SLC8A1: variants seen among roughly 807,000 people sequenced by gnomAD.
SLC8A1 encodes solute carrier family 8 member A1.
A neutral mutation model predicts 68.3 loss-of-function variants in SLC8A1; 18 were observed. The ratio of observed to expected loss-of-function variants is 0.26; its 90% CI spans 0.18 to 0.39. The LOEUF is 0.39. Ranked by LOEUF, SLC8A1 falls within the 10% of genes least tolerant of loss-of-function variation. SLC8A1 has a pLI of 1.00. For missense variants in SLC8A1, 985 were observed against 1,156.7 expected (o/e 0.85, Z 2.15); for synonymous variants, 475 against 415.5 (o/e 1.14, Z -1.74).
chr2:40,452,534 C>A (rs1702688387), upstream of SLC8A1, among the ~76,000 whole-genome samples: 1 of 152,180 alleles, frequency 6.6e-6, no homozygotes, highest in African/African-American at 2.4e-5. Context: ...GCAGACAGAA[C>A]CCTGACCCCC....
At chr2:40,403,212 C>T (rs946668550) in intron 2 of SLC8A1, among the ~76,000 whole-genome samples, 12 of 152,252 alleles carry the variant, frequency 7.9e-5, no homozygotes, top group African/African-American at 2.2e-4. Flanking sequence ...TTATTCAGTA[C>T]AGCATGTCAA....
At chr2:40,277,792 GTGTATATATATATATATATATA>G (rs1458735777) in intron 2 of SLC8A1, among the ~76,000 whole-genome samples, 2 of 92,180 alleles carry the variant, frequency 2.2e-5, no homozygotes, top group Non-Finnish European at 4.2e-5. Flanking sequence ...ATATATATGT[GTGTATATATATATATATATATA>G]TATATATATA....
intron 2 of SLC8A1, among the ~76,000 whole-genome samples, chr2:40,368,882 C>T (rs548694574): frequency 6.6e-6 from 1 of 151,980 alleles, no homozygotes; most frequent in Admixed American, 6.6e-5. Context: ...AGAAATAAGA[C>T]CACACACCCA....
At chr2:40,398,930 CTCTA>C (rs1168205416) in intron 2 of SLC8A1, among the ~76,000 whole-genome samples, 1 of 152,162 alleles carries the variant, frequency 6.6e-6, no homozygotes, top group African/African-American at 2.4e-5. Context: ...AAGAAACAGA[CTCTA>C]TCTCTCTATT....
chr2:40,236,361 T>C (rs539458237), intron 2 of SLC8A1, among the ~76,000 whole-genome samples: 14 of 152,328 alleles, frequency 9.2e-5, no homozygotes, highest in African/African-American at 1.4e-4. Flanking sequence ...GTAATGGCCT[T>C]CTTTGTCTCT....
chr2:40,251,734 G>A (rs1207635730), intron 2 of SLC8A1: 1 of 152,178 alleles, frequency 6.6e-6, no homozygotes, highest in African/African-American at 2.4e-5. Flanking sequence ...CTGAATCTCA[G>A]CCTGATGGAG....
chr2:40,290,570 C>G (rs2069129464), intron 2 of SLC8A1, among the ~76,000 whole-genome samples: 1 of 151,984 alleles, frequency 6.6e-6, no homozygotes, highest in Non-Finnish European at 1.5e-5. Flanking sequence ...ATCCATAAGT[C>G]CATGTTAAAT....
intron 2 of SLC8A1, among the ~76,000 whole-genome samples, chr2:40,317,199 T>G (rs1221453348): frequency 6.6e-6 from 1 of 152,078 alleles, no homozygotes; most frequent in Non-Finnish European, 1.5e-5. Context: ...GCAGAGATAC[T>G]GTTTTCTCAA....
At chr2:40,442,100 A>G (rs1700598300) in intron 1 of SLC8A1, among the ~76,000 whole-genome samples, 1 of 150,098 alleles carries the variant, frequency 6.7e-6, no homozygotes, top group Admixed American at 6.6e-5. Context: ...CCTAATGCTA[A>G]ATGACGAGTT....
chr2:40,252,913 G>GTA (rs1174177726), intron 2 of SLC8A1, among the ~76,000 whole-genome samples: 1 of 130,394 alleles, frequency 7.7e-6, no homozygotes, highest in Non-Finnish European at 1.6e-5. Context: ...ATGTATATGT[G>GTA]TATATATACA....
chr2:40,178,173 GA>G (rs1482621593), intron 2 of SLC8A1, among the ~76,000 whole-genome samples: 2 of 152,214 alleles, frequency 1.3e-5, no homozygotes, highest in African/African-American at 4.8e-5. Flanking sequence ...TGACTGCCCT[GA>G]AAATTAATCT....
intron 2 of SLC8A1, among the ~76,000 whole-genome samples, chr2:40,277,477 T>C (rs974006632): frequency 2.6e-4 from 40 of 151,836 alleles, no homozygotes; most frequent in Non-Finnish European, 1.5e-5. Context: ...GAGGCAGAGG[T>C]TGCAGTGAGC....
intron 1 of SLC8A1, among the ~76,000 whole-genome samples, chr2:40,478,759 C>T (rs1393596098): frequency 6.6e-6 from 1 of 151,640 alleles, no homozygotes; most frequent in Admixed American, 6.6e-5. Context: ...TCATTTTCAA[C>T]CACCTAATTT....
intron 1 of SLC8A1, among the ~76,000 whole-genome samples, chr2:40,447,090 A>G (rs1701581376): frequency 6.6e-6 from 1 of 152,226 alleles, no homozygotes; most frequent in Non-Finnish European, 1.5e-5. Context: ...TCTTTTTAAA[A>G]AAATTAAGAT....
chr2:40,148,625 C>G (rs985033335), intron 6 of SLC8A1, among the ~76,000 whole-genome samples: 1 of 152,200 alleles, frequency 6.6e-6, no homozygotes, highest in Admixed American at 6.5e-5. Flanking sequence ...ACACGGCCCT[C>G]CACTGACCGT....
intron 1 of SLC8A1, among the ~76,000 whole-genome samples, chr2:40,442,025 T>C (rs1700574551): frequency 8.1e-6 from 1 of 123,350 alleles, no homozygotes; most frequent in South Asian, 2.7e-4. Flanking sequence ...GTCTTTGCTA[T>C]TGTGAATAGT....
chr2:40,467,052 C>T (rs1703717437), intron 1 of SLC8A1, among the ~76,000 whole-genome samples: 1 of 151,362 alleles, frequency 6.6e-6, no homozygotes, highest in Admixed American at 6.6e-5. Context: ...AGAGTGAAAT[C>T]CCACCTGGTG....
chr2:40,268,948 G>C (rs1191811087), intron 2 of SLC8A1, among the ~76,000 whole-genome samples: 1 of 152,164 alleles, frequency 6.6e-6, no homozygotes, highest in African/African-American at 2.4e-5. Context: ...TTGGAGAGCA[G>C]CATGAAATTA....
chr2:40,139,714 T>A (rs766024117), intron 6 of SLC8A1, 38 bp from the exon 10 acceptor site: 1 of 1,590,116 alleles, frequency 6.3e-7, no homozygotes, highest in Non-Finnish European at 8.6e-7. Flanking sequence ...CATCACAACC[T>A]GTGTTGCCGG....
Sources: allele counts gnomAD v4.1 joint callset (sites outside exome capture counted in the v4.1 genomes callset), GRCh38; gene constraint gnomAD v4.1.1; transcripts MANE v1.5; gene names NCBI Gene and HGNC (gene_info 2026-07-23, HGNC 2026-07-21).